Variants in PRKAR1A observed in about 807,000 individuals in gnomAD.
PRKAR1A encodes the protein protein kinase cAMP-dependent type I regulatory subunit alpha.
PRKAR1A carries 3 observed loss-of-function variants against 52.0 expected under a neutral mutation model. The ratio of observed to expected loss-of-function variants is 0.06; its 90% CI spans 0.03 to 0.15. The LOEUF (loss-of-function observed/expected upper bound fraction) is 0.15, where lower values mean the gene tolerates loss of function less well. Among genes scored for constraint, PRKAR1A ranks in the 10% least tolerant of loss-of-function variants. The pLI, the probability that PRKAR1A is intolerant of heterozygous loss-of-function variation, is 1.00. For synonymous variants in PRKAR1A, 188 were observed against 168.4 expected, an observed-to-expected ratio of 1.12 and a Z score of -0.90; for missense variants, 240 against 477.4, an observed-to-expected ratio of 0.50 and a Z score of 4.63.
intron 11 of PRKAR1A, chr17:68,543,569 C>CA: frequency 6.8e-7 from 1 of 1,470,894 alleles, no homozygotes; most frequent in Non-Finnish European, 9.5e-7. Context: ...TCTGTCTAGC[C>CA]ACCCCTCCCA....
At chr17:68,538,922 A>G (rs939497550) in intron 11 of PRKAR1A, among the ~76,000 whole-genome samples, 3 of 152,168 alleles carry the variant, frequency 2.0e-5, no homozygotes, top group Admixed American at 6.5e-5. Context: ...TGAGAAATGT[A>G]TCCTTAAGCG....
chr17:68,434,509 G>T, the PRKAR1A span: 1 of 1,604,924 alleles, frequency 6.2e-7, no homozygotes, highest in South Asian at 1.1e-5. Context: ...CGGTCCCTGC[G>T]GGACTTCTGC....
At chr17:68,544,728 C>G (rs566729566) in intron 11 of PRKAR1A, among the ~76,000 whole-genome samples, 6 of 152,182 alleles carry the variant, frequency 3.9e-5, no homozygotes, top group Non-Finnish European at 7.3e-5. Flanking sequence ...CCTCCGTGCT[C>G]AGGCCTGGCC....
At chr17:68,501,889 T>C in the PRKAR1A span, among the ~76,000 whole-genome samples, 4 of 152,216 alleles carry the variant, frequency 2.6e-5, no homozygotes, top group Non-Finnish European at 4.4e-5. Flanking sequence ...TCTGATTCAG[T>C]GAATAGCAGC....
At chr17:68,524,679 C>T (rs1360694859) in intron 5 of PRKAR1A, among the ~76,000 whole-genome samples, 5 of 152,032 alleles carry the variant, frequency 3.3e-5, no homozygotes, top group African/African-American at 7.2e-5. Flanking sequence ...ACATATGTAG[C>T]TTTTAAAAAT....
chr17:68,528,747 T>A, intron 8 of PRKAR1A, 123 bp from the exon 9 acceptor site: 1 of 1,310,666 alleles, frequency 7.6e-7, no homozygotes, highest in Admixed American at 1.7e-5. Context: ...CCACTTTTAA[T>A]CTGAGACACT....
chr17:68,537,848 C>G, downstream of PRKAR1A: 2 of 1,238,148 alleles, frequency 1.6e-6, no homozygotes, highest in South Asian at 1.3e-5. This position sits in a 1 kb window ranked among gnomAD's most constrained non-coding sequence, Gnocchi z 4.2. Flanking sequence ...CTTGGCGCCT[C>G]TCCTTGTGTC....
At chr17:68,474,443 C>T in the PRKAR1A span, among the ~76,000 whole-genome samples, 1 of 152,112 alleles carries the variant, frequency 6.6e-6, no homozygotes, top group Non-Finnish European at 1.5e-5. Context: ...ACAGCAGTGC[C>T]CCGGGGGCCC....
chr17:68,463,609 A>G, the PRKAR1A span, among the ~76,000 whole-genome samples: 1 of 152,160 alleles, frequency 6.6e-6, no homozygotes, highest in Non-Finnish European at 1.5e-5. Context: ...TGTGTTTGGG[A>G]GTGTGGGGTG....
At chr17:68,465,626 T>TTTTTTTTTTG in the PRKAR1A span, among the ~76,000 whole-genome samples, 1 of 49,932 alleles carries the variant, frequency 2.0e-5, no homozygotes, top group Non-Finnish European at 4.2e-5. Context: ...CGCCCAGCAA[T>TTTTTTTTTTG]TTTTTTTTTT....
chr17:68,508,780 T>C (rs982611682), upstream of PRKAR1A, among the ~76,000 whole-genome samples: 1 of 152,250 alleles, frequency 6.6e-6, no homozygotes, highest in African/African-American at 2.4e-5. Context: ...GCCACCCTTC[T>C]GGTTTCTTGG....
chr17:68,549,970 A>C (rs1395813669), intron 11 of PRKAR1A, among the ~76,000 whole-genome samples: 2 of 152,246 alleles, frequency 1.3e-5, no homozygotes, highest in Non-Finnish European at 1.5e-5. Context: ...CAGTCCTGGC[A>C]TAGTTAGCCA....
downstream of PRKAR1A, chr17:68,535,070 T>TC (rs1568710777): frequency 2.8e-6 from 1 of 360,034 alleles, no homozygotes; most frequent in South Asian, 2.2e-5. Flanking sequence ...TCAGTACAGT[T>TC]CCCGTTCATT....
At chr17:68,489,235 G>GTATATA in the PRKAR1A span, among the ~76,000 whole-genome samples, 1 of 10,092 alleles carries the variant, frequency 9.9e-5, no homozygotes, top group African/African-American at 3.4e-4. Flanking sequence ...TATATGGAAA[G>GTATATA]TATATATATA....
chr17:68,515,566 G>C lies in PRKAR1A; in HGVS notation c.167G>C (p.Arg56Thr), dbSNP rs773684158. 1.5e-5 allele frequency: 24 copies of C among 1,612,082 alleles called. No homozygotes were observed. The South Asian group carries it at 2.5e-4, about 17-fold the overall frequency. The change falls in exon 2 of 11, where the codon AGG becomes ACG. Residue 56 changes from arginine (R) to threonine (T), a missense_variant. Physicochemically the swap from Arg to Thr is moderately conservative, Grantham distance 71. Transcript: ENST00000589228. ...GCATTCCTCAGGGAATACTTTGAGA[G>C]GTTGGAGAAGGTAAAAATAAATGTG... ...PMAFLREYFE[R>T]LEKEEAKQIQ...
intron 1 of PRKAR1A, among the ~76,000 whole-genome samples, chr17:68,514,208 A>G (rs2085359218): frequency 6.6e-6 from 1 of 152,256 alleles, no homozygotes. Flanking sequence ...GAAAGTTGTC[A>G]AAACAAAATG....
the PRKAR1A span, among the ~76,000 whole-genome samples, chr17:68,466,158 T>C: frequency 6.6e-6 from 1 of 152,190 alleles, no homozygotes; most frequent in Non-Finnish European, 1.5e-5. Flanking sequence ...CTACCTTTTA[T>C]AGAACATACA....
the PRKAR1A span, among the ~76,000 whole-genome samples, chr17:68,486,541 C>A: frequency 1.7e-5 from 2 of 120,630 alleles, no homozygotes; most frequent in Non-Finnish European, 3.5e-5. Flanking sequence ...TTCTTTCTTT[C>A]TTTCTTTCTT....
chr17:68,490,465 C>T, the PRKAR1A span, among the ~76,000 whole-genome samples: 2 of 152,318 alleles, frequency 1.3e-5, no homozygotes, highest in African/African-American at 4.8e-5. Context: ...CTATTCTGAT[C>T]TGGGTTATAA....
Sources: allele counts gnomAD v4.1 joint callset (sites outside exome capture counted in the v4.1 genomes callset), GRCh38; gene constraint gnomAD v4.1.1; non-coding constraint Gnocchi (gnomAD v3.1); transcripts MANE v1.5; gene names NCBI Gene and HGNC (gene_info 2026-07-23, HGNC 2026-07-21).